RELCH: variants seen among roughly 807,000 people sequenced by gnomAD.
RELCH encodes the protein RAB11-binding protein RELCH.
RELCH carries 41 observed loss-of-function variants against 150.3 expected under a neutral mutation model. The ratio of observed to expected loss-of-function variants is 0.27; its 90% CI spans 0.21 to 0.35. The LOEUF (loss-of-function observed/expected upper bound fraction) is 0.35, where lower values mean the gene tolerates loss of function less well. Among genes scored for constraint, RELCH ranks in the 10% least tolerant of loss-of-function variants. The pLI is 1.00. For missense variants in RELCH, 1,092 were observed against 1,467.8 expected, an observed-to-expected ratio of 0.74 and a Z score of 4.18; for synonymous variants, 478 against 531.8, an observed-to-expected ratio of 0.90 and a Z score of 1.39.
At position 62,228,643 on chromosome 18, in the gene RELCH, A is replaced by G. The variant is rs750733826; in HGVS notation, c.1448+45A>G. 10 of 1,437,720 alleles carry G rather than the reference A, an allele frequency of 7.0e-6. No homozygotes were observed. The East Asian group carries it at 2.3e-4, about 33-fold the overall frequency. The allele number at this position is 1,437,720 out of a possible 1,614,324, so 89.1% of individuals were successfully genotyped here. A position where few individuals can be genotyped will look rare whatever the true frequency, so the allele number is the denominator to read the frequency against. On this transcript the variant is annotated intron_variant, in intron 8 of 28. Coordinates refer to ENST00000644646, the MANE Select transcript of RELCH (RefSeq NM_001346231.2). ...TTTGAAATGCATCTTTCAGCTATTT[A>G]GTACATGTCAAACGGGAAGAGCTAC...
At chr18:62,265,121 A>G (rs1468547072) in intron 18 of RELCH, among the ~76,000 whole-genome samples, 3 of 152,070 alleles carry the variant, frequency 2.0e-5, no homozygotes, top group Admixed American at 6.6e-5. Context: ...AAGATTTTCA[A>G]TATAGGAAGT....
At chr18:62,276,239 A>G (rs2044201198) in intron 22 of RELCH, among the ~76,000 whole-genome samples, 2 of 152,086 alleles carry the variant, frequency 1.3e-5, no homozygotes, top group Admixed American at 1.3e-4. Context: ...CATCTCTGCT[A>G]CCTAGTGACT....
intron 11 of RELCH, among the ~76,000 whole-genome samples, chr18:62,252,341 A>C (rs2042759324): frequency 6.6e-6 from 1 of 151,664 alleles, no homozygotes; most frequent in South Asian, 2.1e-4. Flanking sequence ...AACATGGTGA[A>C]ACGCCGTCTC....
chr18:62,259,507 T>C (rs2043154052), intron 15 of RELCH, among the ~76,000 whole-genome samples: 1 of 151,804 alleles, frequency 6.6e-6, no homozygotes, highest in African/African-American at 2.4e-5. Context: ...AAAAAAGATA[T>C]CCATATTTAG....
intron 10 of RELCH, among the ~76,000 whole-genome samples, chr18:62,234,192 G>A (rs187947759): frequency 2.2e-4 from 34 of 151,764 alleles, no homozygotes; most frequent in Non-Finnish European, 2.9e-4. Context: ...ACATTTTTTC[G>A]TTACATCTCT....
Position 62,211,255 on chromosome 18 carries a change from G to C in RELCH, c.616+13G>C. 1.3e-6 allele frequency: 2 copies of C among 1,492,718 alleles called. No individual in the cohort carries two copies. The highest frequency in any genetic ancestry group is 2.3e-5 in the East Asian group (1 of 44,150). The allele number at this position is 1,492,718 out of a possible 1,614,324, so 92.5% of individuals were successfully genotyped here. ...GAAAAAGTGGCAGGTGAGTAAAATT[G>C]TAAGGACAGATTTGGATTCTTTGAC... On this transcript the variant is annotated intron_variant, in intron 2 of 28. Transcript: ENST00000644646.
intron 11 of RELCH, among the ~76,000 whole-genome samples, chr18:62,245,503 G>A (rs1248250986): frequency 6.6e-6 from 1 of 152,052 alleles, no homozygotes; most frequent in African/African-American, 2.4e-5. Context: ...GTGGGCGCCT[G>A]TAATCCCAGC....
Position 62,308,932 on chromosome 18 carries a change from C to T in RELCH, c.*3398C>T, listed in dbSNP as rs940412762. 6.6e-6 allele frequency: 1 copy of T among 151,788 alleles called. No homozygotes were observed. Among genetic ancestry groups the T allele is most frequent in the Non-Finnish European group, 1.5e-5 (1 of 67,932 alleles). The allele number at this position is 151,788 out of a possible 1,614,324, so 9.4% of individuals were successfully genotyped here. ...TGCTTAGTTTTGATACTATTTTTTT[C>T]AGTACATTAAAAAGAAATAGAGACT... On this transcript the variant is annotated 3_prime_UTR_variant, in exon 29 of 29. Coordinates refer to ENST00000644646, the MANE Select transcript of RELCH (RefSeq NM_001346231.2).
chr18:62,228,593 TA>T lies in RELCH; in HGVS notation c.1445del (p.Asn482IlefsTer24), dbSNP rs775499326. On this transcript the variant is annotated frameshift_variant, in exon 8 of 29. Coordinates refer to ENST00000644646, the MANE Select transcript of RELCH (RefSeq NM_001346231.2). LOFTEE classifies it high-confidence loss of function. The stretch of plus-strand genomic sequence containing the variant: ...AAAAGACAGTTCATTTTGATAAACC[TA>T]ATAGGTTAGTATGCATCCTATATTT... ...SKKTVHFDKP[N>X]RKLSPAFHQA... 6.2e-7 allele frequency: 1 copy of T among 1,605,510 alleles called. No homozygotes were observed. Among genetic ancestry groups the T allele is most frequent in the Non-Finnish European group, 8.5e-7 (1 of 1,175,414 alleles).
chr18:62,193,971 C>A (rs370109194), intron 1 of RELCH, among the ~76,000 whole-genome samples: 3 of 151,934 alleles, frequency 2.0e-5, no homozygotes, highest in African/African-American at 7.3e-5. Context: ...TCAGACCAGG[C>A]GTAGTGGCTC....
intron 1 of RELCH, among the ~76,000 whole-genome samples, chr18:62,191,370 G>A (rs924245818): frequency 5.3e-5 from 8 of 152,030 alleles, no homozygotes; most frequent in African/African-American, 1.4e-4. Flanking sequence ...TCCTTTTCCT[G>A]TGCCTTTTGC....
Position 62,279,813 on chromosome 18 carries a change from A to C in RELCH, c.3007A>C (p.Arg1003=). Residue 1003 remains arginine (R), a synonymous_variant, in exon 23 of 29, where the codon AGG becomes CGG. Coordinates refer to ENST00000644646, the MANE Select transcript of RELCH (RefSeq NM_001346231.2). The stretch of plus-strand genomic sequence containing the variant: ...GGTGAATGAAACTCTGGTAGCTCAG[A>C]GGGTTGTTCCTGCTCTCATTACTCT... The part of the protein sequence containing the change: ...KGVNETLVAQ[R]VVPALITLSS... 1 of 1,535,852 alleles carries C rather than the reference A, an allele frequency of 6.5e-7. No individual in the cohort carries two copies. Among genetic ancestry groups the C allele is most frequent in the East Asian group, 2.4e-5 (1 of 40,910 alleles).
intron 24 of RELCH, 77 bp from the exon 25 acceptor site, chr18:62,282,229 A>G (rs1459835161): frequency 2.4e-6 from 3 of 1,256,948 alleles, no homozygotes; most frequent in African/African-American, 3.0e-5. Context: ...GTCATGTTTA[A>G]TGTGTGTCTT....
chr18:62,298,857 A>T lies in RELCH; in HGVS notation c.3527A>T (p.Gln1176Leu). 1 of 1,553,440 alleles carries T rather than the reference A, an allele frequency of 6.4e-7. No individual in the cohort carries two copies. Among genetic ancestry groups the T allele is most frequent in the Non-Finnish European group, 8.8e-7 (1 of 1,134,466 alleles). Residue 1176 changes from glutamine (Q) to leucine (L), a missense_variant, in exon 28 of 29, where the codon CAA (glutamine) becomes CTA (leucine). This residue lies in a region of RELCH where 707 missense variants were observed against 1,025.4 expected (regional missense o/e 0.69). Transcript: ENST00000644646. ...GAAAACAAGACCGTCCAAGAGCCTC[A>T]AGGGTAAGACATTAATTCTTTTTTT... ...KVENKTVQEP[Q>L]GSMSIAASLV...
At chr18:62,277,653 A>C in intron 22 of RELCH, 1 of 974,684 alleles carries the variant, frequency 1.0e-6, no homozygotes, top group African/African-American at 1.8e-5. Context: ...GGAACCTAAT[A>C]GGGTATGGTC....
chr18:62,307,328 A>G lies in RELCH; in HGVS notation c.*1794A>G, dbSNP rs181857180. 32 of 152,184 alleles carry G rather than the reference A, an allele frequency of 2.1e-4. No homozygotes were observed. Among genetic ancestry groups the G allele is most frequent in the African/African-American group, 7.7e-4 (32 of 41,558 alleles). 9.4% of individuals were successfully genotyped at this position (152,184 alleles called of 1,614,324 possible). A position where few individuals can be genotyped will look rare whatever the true frequency, so the allele number is the denominator to read the frequency against. ...CATTTCAGAGGTACCTGGAAGAAAA[A>G]TGTTTAAACTCTGATTTGCTTCAAA... On this transcript the variant is annotated 3_prime_UTR_variant, in exon 29 of 29. Transcript: ENST00000644646.
chr18:62,238,912 A>G (rs539093011), intron 10 of RELCH, among the ~76,000 whole-genome samples: 1 of 152,250 alleles, frequency 6.6e-6, no homozygotes, highest in East Asian at 1.9e-4. Context: ...CCAATTCCCT[A>G]AAAGTTTTTA....
In RELCH at chr18:62,310,052, A is replaced by G. The variant is rs2045964996; in HGVS notation, c.*4518A>G. On this transcript the variant is annotated 3_prime_UTR_variant, in exon 29 of 29. Coordinates refer to ENST00000644646, the MANE Select transcript of RELCH (RefSeq NM_001346231.2). Reference sequence around the variant, plus strand: ...CAATGAAGCTGGAAATGTTACAGATAATCTCTCTATAAAATGTACATTGCT... The same window carrying G: ...CAATGAAGCTGGAAATGTTACAGATGATCTCTCTATAAAATGTACATTGCT... 1 of 151,668 alleles carries G rather than the reference A, an allele frequency of 6.6e-6. No homozygotes were observed. Among genetic ancestry groups the G allele is most frequent in the African/African-American group, 2.4e-5 (1 of 41,250 alleles). The allele number at this position is 151,668 out of a possible 1,614,324, so 9.4% of individuals were successfully genotyped here.
chr18:62,219,829 G>A (rs527299878), intron 2 of RELCH, among the ~76,000 whole-genome samples: 1 of 152,114 alleles, frequency 6.6e-6, no homozygotes, highest in African/African-American at 2.4e-5. Context: ...TGCAAACTGA[G>A]TGAATCCTAA....
Sources: allele counts gnomAD v4.1 joint callset (sites outside exome capture counted in the v4.1 genomes callset), GRCh38; gene constraint gnomAD v4.1.1; regional missense constraint gnomAD v4.1.1; transcripts MANE v1.5; gene names NCBI Gene and HGNC (gene_info 2026-07-23, HGNC 2026-07-21).